ERC1: variants seen among roughly 807,000 people sequenced by gnomAD.
ERC1 encodes the protein ELKS/RAB6-interacting/CAST family member 1.
A neutral mutation model predicts 132.0 loss-of-function variants in ERC1; 56 were observed. The observed-to-expected ratio is 0.42, with a 90% CI of 0.34 to 0.53. The LOEUF (loss-of-function observed/expected upper bound fraction) is 0.53. ERC1 is among the 20% of genes least tolerant of loss of function. The probability of loss-of-function intolerance (pLI) is 0.03; values close to 1 mark genes in which losing one functional copy is unlikely to be tolerated. For missense variants in ERC1, 1,202 were observed against 1,349.9 expected, an observed-to-expected ratio of 0.89 and a Z score of 1.72; for synonymous variants, 478 against 476.1, an observed-to-expected ratio of 1.00 and a Z score of -0.05.
intron 18 of ERC1, among the ~76,000 whole-genome samples, chr12:1,470,269 C>G (rs2093831852): frequency 6.6e-6 from 1 of 152,076 alleles, no homozygotes. Context: ...GCACGTGCCA[C>G]TGTGGCTGGG....
rs373544278 is a variant in ERC1, at chr12:1,345,260, A to G, written c.2781-26573A>G. Among the ~76,000 whole-genome samples the G allele has an allele frequency of 3.2e-3, 454 of 143,828 alleles. 5 individuals carry two copies. Among genetic ancestry groups the G allele is most frequent in the African/African-American group, 0.012 (440 of 37,706 alleles). 94.4% of individuals were successfully genotyped at this position (143,828 alleles called of 152,430 possible). On this transcript the variant is annotated intron_variant, in intron 15 of 18. Coordinates refer to ENST00000360905, the MANE Select transcript of ERC1 (RefSeq NM_178040.4). ...CAGTGGCGTGATCTGGGCTCACTGC[A>G]AGCTCCACCTCCTGGGTTCACGCCA...
At chr12:1,370,104 A>G (rs954540753) in intron 15 of ERC1, among the ~76,000 whole-genome samples, 2 of 152,242 alleles carry the variant, frequency 1.3e-5, no homozygotes, top group Non-Finnish European at 2.9e-5. Context: ...TCCTCAGGTC[A>G]AAAGCTCAGG....
intron 15 of ERC1, among the ~76,000 whole-genome samples, chr12:1,344,138 G>T (rs2084200655): frequency 6.6e-6 from 1 of 152,194 alleles, no homozygotes; most frequent in Admixed American, 6.5e-5. Context: ...ACCGCGCCCA[G>T]CCTGTAAAAA....
At chr12:1,417,163 CCCT>C (rs2154397701) in intron 17 of ERC1, among the ~76,000 whole-genome samples, 1 of 152,166 alleles carries the variant, frequency 6.6e-6, no homozygotes, top group East Asian at 1.9e-4. Flanking sequence ...TTCTCTTCTT[CCCT>C]CCTCTCCACA....
chr12:1,396,567 G>A (rs556610032), intron 16 of ERC1, among the ~76,000 whole-genome samples: 42 of 152,256 alleles, frequency 2.8e-4, no homozygotes, highest in African/African-American at 8.2e-4. Context: ...CAGATAGCGC[G>A]GAAAGCCTTT....
At chr12:1,202,746 A>G (rs1957027041) in intron 12 of ERC1, among the ~76,000 whole-genome samples, 1 of 152,178 alleles carries the variant, frequency 6.6e-6, no homozygotes, top group South Asian at 2.1e-4. Flanking sequence ...TAATAATTAA[A>G]GTTGCTCTCT....
At chr12:1,204,616 T>C in intron 12 of ERC1, 1 of 1,008,302 alleles carries the variant, frequency 9.9e-7, no homozygotes, top group South Asian at 1.5e-5. Flanking sequence ...GAGAGGGATA[T>C]CTAGAAATCT....
intron 18 of ERC1, among the ~76,000 whole-genome samples, chr12:1,481,642 C>T (rs2094094128): frequency 6.6e-6 from 1 of 152,306 alleles, no homozygotes; most frequent in Non-Finnish European, 1.5e-5. Context: ...TGGAAAGCAA[C>T]TCCAGCTAGT....
At chr12:1,046,562 C>G (rs61918705) in intron 2 of ERC1, among the ~76,000 whole-genome samples, 40,561 of 152,002 alleles carry the variant, frequency 0.27, 5,642 homozygotes, top group Middle Eastern at 0.38. Context: ...GTGATAGAGT[C>G]TATATGACTT....
intron 12 of ERC1, among the ~76,000 whole-genome samples, chr12:1,224,035 A>G (rs1209918705): frequency 6.6e-6 from 1 of 152,202 alleles, no homozygotes; most frequent in African/African-American, 2.4e-5. Flanking sequence ...AAGTTCTGTT[A>G]TGTCTCAGAA....
intron 8 of ERC1, among the ~76,000 whole-genome samples, chr12:1,149,376 T>C (rs1206609453): frequency 2.6e-5 from 4 of 152,280 alleles, no homozygotes. Context: ...TTAGTTTTAA[T>C]ACAGTATCAT....
chr12:1,343,861 T>TA (rs1329351302), intron 15 of ERC1, among the ~76,000 whole-genome samples: 14 of 152,046 alleles, frequency 9.2e-5, no homozygotes, highest in Non-Finnish European at 1.6e-4. Context: ...TTTTTTTTTT[T>TA]AAGACAGTCT....
chr12:1,433,693 C>T (rs552863489), intron 17 of ERC1, among the ~76,000 whole-genome samples: 1 of 152,312 alleles, frequency 6.6e-6, no homozygotes, highest in Non-Finnish European at 1.5e-5. Flanking sequence ...AGACTTTACT[C>T]CCTTTGAATG....
chr12:1,338,807 TA>T (rs1396310748), intron 15 of ERC1, among the ~76,000 whole-genome samples: 2 of 152,174 alleles, frequency 1.3e-5, no homozygotes, highest in African/African-American at 2.4e-5. Context: ...TGGAAGACTT[TA>T]GGGGGCCAAC....
chr12:1,031,348 G>A (rs895179776), intron 2 of ERC1, among the ~76,000 whole-genome samples: 1 of 152,108 alleles, frequency 6.6e-6, no homozygotes, highest in East Asian at 1.9e-4. Flanking sequence ...AATACTGTTG[G>A]TATTATGCTG....
At chr12:1,322,659 G>C (rs565511104) in intron 15 of ERC1, among the ~76,000 whole-genome samples, 27 of 152,152 alleles carry the variant, frequency 1.8e-4, no homozygotes, top group African/African-American at 6.3e-4. Flanking sequence ...GTTTCTTTTA[G>C]ATTGACCTTT....
chr12:1,341,605 G>T (rs191373826), intron 15 of ERC1, among the ~76,000 whole-genome samples: 2 of 128,510 alleles, frequency 1.6e-5, no homozygotes, highest in Admixed American at 2.1e-4. Context: ...GGTGGGAATT[G>T]AACAATGAGA....
intron 1 of ERC1, among the ~76,000 whole-genome samples, chr12:1,014,619 A>G (rs760599039): frequency 2.0e-5 from 3 of 152,214 alleles, no homozygotes; most frequent in African/African-American, 4.8e-5. Context: ...ATATACAAAC[A>G]TACGTGTATA....
chr12:1,178,578 T>C (rs1261248730), intron 8 of ERC1, among the ~76,000 whole-genome samples: 1 of 152,180 alleles, frequency 6.6e-6, no homozygotes, highest in African/African-American at 2.4e-5. Context: ...TACATGTATA[T>C]GTATCATTAC....
Sources: allele counts gnomAD v4.1 joint callset (sites outside exome capture counted in the v4.1 genomes callset), GRCh38; gene constraint gnomAD v4.1.1; transcripts MANE v1.5; gene names NCBI Gene and HGNC (gene_info 2026-07-23, HGNC 2026-07-21).